The following SLC24A2 variants were observed in gnomAD, a reference collection of about 807,000 sequenced individuals.
SLC24A2 encodes solute carrier family 24 member 2, also known as sodium/potassium/calcium exchanger 2.
SLC24A2 carries 36 observed loss-of-function variants against 62.0 expected under a neutral mutation model. The observed-to-expected ratio is 0.58, with a 90% CI of 0.44 to 0.77. SLC24A2 has a LOEUF of 0.77. Ranked by LOEUF, SLC24A2 falls within the 30% of genes least tolerant of loss-of-function variation. The probability of loss-of-function intolerance (pLI) is 0.00; values close to 1 mark genes in which losing one functional copy is unlikely to be tolerated. For synonymous variants in SLC24A2, 358 were observed against 294.0 expected, an observed-to-expected ratio of 1.22 and a Z score of -2.23; for missense variants, 846 against 817.9, an observed-to-expected ratio of 1.03 and a Z score of -0.42.
chr9:19,813,739 C>T, the SLC24A2 span, among the ~76,000 whole-genome samples: 4 of 151,986 alleles, frequency 2.6e-5, no homozygotes, highest in South Asian at 2.1e-4. Flanking sequence ...GCCTTTGGGA[C>T]GTGATTAGGT....
the SLC24A2 span, among the ~76,000 whole-genome samples, chr9:20,289,669 G>A: frequency 4.6e-5 from 7 of 152,134 alleles, no homozygotes; most frequent in African/African-American, 1.4e-4. Flanking sequence ...CCAGCAGCAC[G>A]GGGCCTTTGA....
the SLC24A2 span, among the ~76,000 whole-genome samples, chr9:20,061,609 G>C: frequency 2.6e-5 from 4 of 152,154 alleles, no homozygotes; most frequent in South Asian, 4.1e-4. Flanking sequence ...TTTAACAAAA[G>C]TGCCAAGACA....
chr9:20,104,024 G>T, the SLC24A2 span, among the ~76,000 whole-genome samples: 62 of 152,282 alleles, frequency 4.1e-4, no homozygotes, highest in African/African-American at 1.5e-3. Context: ...GGAGCTGAAA[G>T]CCAAGGCTCA....
chr9:19,846,950 A>G, the SLC24A2 span, among the ~76,000 whole-genome samples: 8 of 152,202 alleles, frequency 5.3e-5, no homozygotes, highest in South Asian at 1.7e-3. Flanking sequence ...TGAACTTGGA[A>G]TGTCGAGGCT....
At chr9:20,068,596 T>C in the SLC24A2 span, among the ~76,000 whole-genome samples, 1 of 152,116 alleles carries the variant, frequency 6.6e-6, no homozygotes, top group Non-Finnish European at 1.5e-5. Flanking sequence ...AATAAATGTT[T>C]TGGGGATGCT....
At chr9:20,022,514 G>C in the SLC24A2 span, among the ~76,000 whole-genome samples, 2 of 152,314 alleles carry the variant, frequency 1.3e-5, no homozygotes, top group East Asian at 3.9e-4. Flanking sequence ...CATGTGCTCA[G>C]TAAGTGTACC....
chr9:20,184,347 C>A, the SLC24A2 span, among the ~76,000 whole-genome samples: 81 of 152,156 alleles, frequency 5.3e-4, no homozygotes, highest in African/African-American at 1.9e-3. Flanking sequence ...TCAAGAGAAA[C>A]GAGACCATCC....
the SLC24A2 span, among the ~76,000 whole-genome samples, chr9:20,275,493 C>T: frequency 5.9e-5 from 9 of 152,162 alleles, no homozygotes; most frequent in Non-Finnish European, 1.3e-4. Context: ...TTCAGGCCAC[C>T]AACAAGAAGA....
intron 2 of SLC24A2, among the ~76,000 whole-genome samples, chr9:19,630,685 T>C (rs1404792436): frequency 6.6e-6 from 1 of 151,964 alleles, no homozygotes; most frequent in African/African-American, 2.4e-5. Flanking sequence ...GGCAAAAAAA[T>C]AGAGATGCCA....
At chr9:19,735,143 A>T (rs954373237) in intron 2 of SLC24A2, among the ~76,000 whole-genome samples, 21 of 152,084 alleles carry the variant, frequency 1.4e-4, no homozygotes, top group Non-Finnish European at 2.4e-4. Flanking sequence ...GAATCTACAA[A>T]GAACTCAAAC....
At chr9:19,638,150 C>A (rs1323540901) in intron 2 of SLC24A2, among the ~76,000 whole-genome samples, 1 of 152,098 alleles carries the variant, frequency 6.6e-6, no homozygotes, top group Non-Finnish European at 1.5e-5. Context: ...AAGTTGGGGG[C>A]CATACCCAGG....
At chr9:20,281,335 C>T in the SLC24A2 span, among the ~76,000 whole-genome samples, 1 of 152,170 alleles carries the variant, frequency 6.6e-6, no homozygotes, top group African/African-American at 2.4e-5. Flanking sequence ...GAAGTATATA[C>T]TTTTCACATA....
chr9:19,788,595 G>C lies in SLC24A2; in HGVS notation c.-154+290C>G, dbSNP rs558069548. The C allele has an allele frequency of 7.9e-4, 782 of 985,432 alleles. 2 individuals are homozygous for C. Among genetic ancestry groups the C allele is most frequent in the Middle Eastern group, 5.2e-3 (10 of 1,914 alleles). The allele number at this position is 985,432 out of a possible 1,614,324, so 61.0% of individuals were successfully genotyped here. On this transcript the variant is annotated intron_variant, in intron 1 of 10. Coordinates refer to ENST00000341998, the MANE Select transcript of SLC24A2 (RefSeq NM_020344.4). Reference sequence around the variant, plus strand: ...TGGCCCGCATCCCCCTGAGTCGTTTGTAGGTGGCTGGGGAATGGAAGCGCC... The same window carrying C: ...TGGCCCGCATCCCCCTGAGTCGTTTCTAGGTGGCTGGGGAATGGAAGCGCC...
At chr9:20,225,343 T>C in the SLC24A2 span, among the ~76,000 whole-genome samples, 5 of 151,182 alleles carry the variant, frequency 3.3e-5, no homozygotes, top group African/African-American at 1.2e-4. Flanking sequence ...AGTAGGAGCA[T>C]GGATAAATGG....
chr9:19,878,957 A>G, the SLC24A2 span, among the ~76,000 whole-genome samples: 16 of 152,156 alleles, frequency 1.1e-4, no homozygotes, highest in East Asian at 2.9e-3. Context: ...TGAAGACAAC[A>G]CTCCATAATT....
At chr9:20,218,957 T>C in the SLC24A2 span, among the ~76,000 whole-genome samples, 4 of 152,132 alleles carry the variant, frequency 2.6e-5, no homozygotes, top group Non-Finnish European at 5.9e-5. Flanking sequence ...GCAGCAATCC[T>C]ATTGATGAAG....
chr9:20,114,530 T>C, the SLC24A2 span, among the ~76,000 whole-genome samples: 1 of 152,146 alleles, frequency 6.6e-6, no homozygotes, highest in Non-Finnish European at 1.5e-5. Context: ...CCAAGAATAA[T>C]GCAGTACACC....
intron 2 of SLC24A2, among the ~76,000 whole-genome samples, chr9:19,696,000 C>T (rs1251387319): frequency 6.6e-6 from 1 of 152,116 alleles, no homozygotes; most frequent in Non-Finnish European, 1.5e-5. Context: ...CAGTCTGTGG[C>T]CTGTTAAGAA....
At chr9:19,950,621 T>C in the SLC24A2 span, among the ~76,000 whole-genome samples, 1 of 152,332 alleles carries the variant, frequency 6.6e-6, no homozygotes, top group African/African-American at 2.4e-5. Flanking sequence ...AAGCATATAC[T>C]TATGTGTCAG....
Sources: allele counts gnomAD v4.1 joint callset (sites outside exome capture counted in the v4.1 genomes callset), GRCh38; gene constraint gnomAD v4.1.1; transcripts MANE v1.5; gene names NCBI Gene and HGNC (gene_info 2026-07-23, HGNC 2026-07-21).